Variants in C1GALT1 observed in about 807,000 individuals in gnomAD.
The protein encoded by C1GALT1 is core 1 synthase, glycoprotein-N-acetylgalactosamine 3-beta-galactosyltransferase 1, also known as glycoprotein-N-acetylgalactosamine 3-beta-galactosyltransferase 1.
C1GALT1 carries 11 observed loss-of-function variants against 31.0 expected under a neutral mutation model. That is an observed-to-expected ratio of 0.36 (90% CI 0.22 to 0.59). The LOEUF (loss-of-function observed/expected upper bound fraction) is 0.59. C1GALT1 is among the 20% of genes least tolerant of loss of function. The pLI is 0.79. For synonymous variants in C1GALT1, 175 were observed against 143.6 expected (o/e 1.22, Z -1.56); for missense variants, 424 against 425.2 (o/e 1.00, Z 0.03).
chr7:7,197,075 T>G (rs2128234262), intron 1 of C1GALT1, among the ~76,000 whole-genome samples: 1 of 152,350 alleles, frequency 6.6e-6, no homozygotes, highest in South Asian at 2.1e-4. Flanking sequence ...TTTTGGCTTC[T>G]GTGCCATTGC....
intron 1 of C1GALT1, among the ~76,000 whole-genome samples, chr7:7,227,283 A>C (rs1439499431): frequency 6.6e-6 from 1 of 152,208 alleles, no homozygotes; most frequent in African/African-American, 2.4e-5. Flanking sequence ...GTTGAAATTT[A>C]ATTCCCAGTT....
rs1783882211 is a variant in C1GALT1, at chr7:7,247,185, G to T, written c.*3458G>T. 1 of 151,904 alleles carries T rather than the reference G, an allele frequency of 6.6e-6. No homozygotes were observed. The highest frequency in any genetic ancestry group is 1.5e-5 in the Non-Finnish European group (1 of 67,922). The allele number at this position is 151,904 out of a possible 1,614,324, so 9.4% of individuals were successfully genotyped here. ...TTTTGTGTGACCTAATAAAGCAAAAGAAAAATAAAAAAGCAATTCTCCAAG... is the reference window on the plus strand; with the variant it reads ...TTTTGTGTGACCTAATAAAGCAAAATAAAAATAAAAAAGCAATTCTCCAAG... On this transcript the variant is annotated 3_prime_UTR_variant, in exon 4 of 4. Coordinates refer to ENST00000436587, the MANE Select transcript of C1GALT1 (RefSeq NM_020156.5).
At chr7:7,196,095 G>C (rs929957344) in intron 1 of C1GALT1, among the ~76,000 whole-genome samples, 1 of 152,044 alleles carries the variant, frequency 6.6e-6, no homozygotes, top group Non-Finnish European at 1.5e-5. Context: ...CAAAGTTCTA[G>C]GGTACATGTG....
rs145418776 is a variant in C1GALT1 at position 7,237,811 on chromosome 7, T to C, written c.221-444T>C. Among the ~76,000 whole-genome samples the C allele has an allele frequency of 1.6e-3, 242 of 152,314 alleles. 1 individual carries two copies. Among genetic ancestry groups the C allele is most frequent in the African/African-American group, 5.4e-3 (224 of 41,566 alleles). ...CAGAGCAGTGAGAAATTTCTGTCAG[T>C]AATCTATTAAAAACTGGCTGCTTTC... On this transcript the variant is annotated intron_variant, in intron 2 of 3. Transcript: ENST00000436587.
intron 1 of C1GALT1, among the ~76,000 whole-genome samples, chr7:7,203,922 A>G (rs1376598762): frequency 6.6e-6 from 1 of 151,920 alleles, no homozygotes; most frequent in Admixed American, 6.6e-5. Context: ...TCCAACTATT[A>G]TCATTAGCTG....
At chr7:7,181,562 C>T (rs1395504187), upstream of C1GALT1, among the ~76,000 whole-genome samples, 2 of 152,122 alleles carry the variant, frequency 1.3e-5, no homozygotes, top group African/African-American at 2.4e-5. Flanking sequence ...TACAGCTGAA[C>T]CTAAGCAAAT....
chr7:7,242,568 T>C (rs1221632699), intron 3 of C1GALT1, among the ~76,000 whole-genome samples: 1 of 152,126 alleles, frequency 6.6e-6, no homozygotes, highest in African/African-American at 2.4e-5. Context: ...TTTACAAAGA[T>C]GTCAGATGGA....
At chr7:7,198,438 T>C (rs555952935) in intron 1 of C1GALT1, among the ~76,000 whole-genome samples, 8 of 152,374 alleles carry the variant, frequency 5.3e-5, no homozygotes, top group African/African-American at 1.7e-4. Flanking sequence ...AGTTTGGCAG[T>C]ATTTTATTGA....
At chr7:7,158,384 C>T (rs1487425264) in intron 2 of C1GALT1, among the ~76,000 whole-genome samples, 1 of 152,028 alleles carries the variant, frequency 6.6e-6, no homozygotes, top group African/African-American at 2.4e-5. Flanking sequence ...AAATAAGTCT[C>T]CAAGAAGGCA....
chr7:7,167,017 T>C (rs568845625), intron 2 of C1GALT1, among the ~76,000 whole-genome samples: 1 of 152,326 alleles, frequency 6.6e-6, no homozygotes, highest in Non-Finnish European at 1.5e-5. Context: ...TGATTTGAAT[T>C]GAGGAGGGCA....
At chr7:7,214,099 G>A (rs1029978558) in intron 1 of C1GALT1, among the ~76,000 whole-genome samples, 1 of 152,056 alleles carries the variant, frequency 6.6e-6, no homozygotes, top group African/African-American at 2.4e-5. Flanking sequence ...TTTCTACTTA[G>A]TTATTACACA....
intron 1 of C1GALT1, among the ~76,000 whole-genome samples, chr7:7,209,242 C>T (rs1414581711): frequency 6.6e-6 from 1 of 152,136 alleles, no homozygotes; most frequent in Non-Finnish European, 1.5e-5. Flanking sequence ...CATTATAAGT[C>T]GCATATTATC....
intron 1 of C1GALT1, among the ~76,000 whole-genome samples, chr7:7,231,167 T>C (rs1783055529): frequency 6.6e-6 from 1 of 152,202 alleles, no homozygotes; most frequent in Admixed American, 6.5e-5. Flanking sequence ...TTTAGCACTT[T>C]AAAAATAGTT....
chr7:7,234,462 C>T lies in C1GALT1; in HGVS notation c.143C>T (p.Ala48Val), dbSNP rs544738309. Residue 48 changes from alanine (A) to valine (V), a missense_variant, in exon 2 of 4, where the codon GCA becomes GTA. Transcript: ENST00000436587. ...QPNVLHNDPH[A>V]RHSDDNGQNH... is the part of the protein sequence containing the mutation. ...AATGTTCTTCATAATGATCCTCATG[C>T]AAGGCATTCAGATGATAATGGACAG... 6.2e-7 allele frequency: 1 copy of T among 1,613,874 alleles called. No homozygotes were observed. The highest frequency in any genetic ancestry group is 1.1e-5 in the South Asian group (1 of 91,066).
At chr7:7,158,847 G>C (rs1398551237) in intron 2 of C1GALT1, among the ~76,000 whole-genome samples, 2 of 151,928 alleles carry the variant, frequency 1.3e-5, no homozygotes, top group Non-Finnish European at 2.9e-5. Context: ...CACACAAAAT[G>C]GCTGTTAGAC....
upstream of C1GALT1, chr7:7,178,275 G>GAGAGTCATCAGA (rs1780527213): frequency 4.3e-6 from 1 of 232,324 alleles, no homozygotes; most frequent in Non-Finnish European, 9.7e-6. Flanking sequence ...ATGTTGCAGA[G>GAGAGTCATCAGA]AGAGTCATCA....
upstream of C1GALT1, among the ~76,000 whole-genome samples, chr7:7,181,979 G>A (rs183039039): frequency 2.0e-5 from 3 of 152,246 alleles, no homozygotes; most frequent in East Asian, 3.9e-4. Context: ...CAGAACCGAA[G>A]TGCTGACAGA....
At chr7:7,168,063 G>A (rs958678095) in intron 2 of C1GALT1, among the ~76,000 whole-genome samples, 1 of 152,204 alleles carries the variant, frequency 6.6e-6, no homozygotes, top group African/African-American at 2.4e-5. Context: ...TTCATGAATA[G>A]GTAAGTAGAG....
chr7:7,186,322 C>G (rs1044310133), intron 1 of C1GALT1, among the ~76,000 whole-genome samples: 9 of 152,194 alleles, frequency 5.9e-5, no homozygotes, highest in African/African-American at 2.2e-4. Flanking sequence ...CAGACCACAG[C>G]AAGTGCTTAC....
Sources: allele counts gnomAD v4.1 joint callset (sites outside exome capture counted in the v4.1 genomes callset), GRCh38; gene constraint gnomAD v4.1.1; transcripts MANE v1.5; gene names NCBI Gene and HGNC (gene_info 2026-07-23, HGNC 2026-07-21).